CADM2: variants seen among roughly 807,000 people sequenced by gnomAD.
CADM2 encodes the protein immunoglobulin superfamily member 4D.
CADM2 carries 12 observed loss-of-function variants against 49.8 expected under a neutral mutation model. The observed-to-expected ratio is 0.24, with a 90% CI of 0.15 to 0.39. CADM2 has a LOEUF of 0.39. CADM2 is among the 10% of genes least tolerant of loss of function. The probability of loss-of-function intolerance (pLI) is 1.00; values close to 1 mark genes in which losing one functional copy is unlikely to be tolerated. For missense variants in CADM2, 378 were observed against 492.3 expected, an observed-to-expected ratio of 0.77 and a Z score of 2.20; for synonymous variants, 214 against 175.4, an observed-to-expected ratio of 1.22 and a Z score of -1.74.
chr3:85,704,364 G>A (rs1270243077), intron 1 of CADM2, among the ~76,000 whole-genome samples: 2 of 152,152 alleles, frequency 1.3e-5, no homozygotes, highest in Non-Finnish European at 2.9e-5. Context: ...TGCTGTAACA[G>A]AGTACAAAAA....
chr3:85,720,120 G>C (rs574403683), intron 1 of CADM2, among the ~76,000 whole-genome samples: 8 of 152,016 alleles, frequency 5.3e-5, no homozygotes, highest in Non-Finnish European at 1.0e-4. Context: ...ATTTTCTGCC[G>C]TGAAATTTAT....
intron 1 of CADM2, among the ~76,000 whole-genome samples, chr3:85,521,411 G>A (rs10511084): frequency 0.31 from 46,581 of 151,812 alleles, 8,142 homozygotes; most frequent in East Asian, 0.55. Context: ...ACGGCTATAC[G>A]CTTATCGATA....
chr3:85,730,097 G>T (rs892203922), intron 2 of CADM2, among the ~76,000 whole-genome samples: 2 of 151,966 alleles, frequency 1.3e-5, no homozygotes, highest in African/African-American at 4.8e-5. Context: ...TTATCAAATT[G>T]TCCTAATTTT....
intron 5 of CADM2, among the ~76,000 whole-genome samples, chr3:85,896,572 T>C (rs1282482244): frequency 6.6e-6 from 1 of 152,186 alleles, no homozygotes; most frequent in Admixed American, 6.5e-5. Context: ...GACTCTGTAG[T>C]GGGTCACTGA....
chr3:85,021,422 C>G (rs1424464123), intron 1 of CADM2, among the ~76,000 whole-genome samples: 2 of 152,156 alleles, frequency 1.3e-5, no homozygotes, highest in Non-Finnish European at 2.9e-5. Context: ...TCTAACAAGC[C>G]TGGCTTATTC....
At chr3:85,220,592 C>T (rs2042022847) in intron 1 of CADM2, among the ~76,000 whole-genome samples, 1 of 152,030 alleles carries the variant, frequency 6.6e-6, no homozygotes, top group South Asian at 2.1e-4. Context: ...GACCATACTA[C>T]AGGAGTAATA....
intron 1 of CADM2, among the ~76,000 whole-genome samples, chr3:85,284,588 TGCTAAGGGAGGAACATTCCCA>T (rs1379278187): frequency 6.6e-6 from 1 of 152,100 alleles, no homozygotes; most frequent in East Asian, 1.9e-4. Context: ...TTACATAGAT[TGCTAAGGGAGGAACATTCCCA>T]GCTGAGGAAA....
chr3:85,255,630 G>C (rs767257403), intron 1 of CADM2, among the ~76,000 whole-genome samples: 2 of 151,816 alleles, frequency 1.3e-5, no homozygotes, highest in Non-Finnish European at 2.9e-5. Flanking sequence ...TCTTGGAAAA[G>C]TTCTGGTGTG....
At chr3:85,515,814 C>T (rs2060890256) in intron 1 of CADM2, among the ~76,000 whole-genome samples, 1 of 151,424 alleles carries the variant, frequency 6.6e-6, no homozygotes, top group South Asian at 2.1e-4. Flanking sequence ...TATGCCATCC[C>T]CTCCTTAAAG....
chr3:85,226,052 C>G (rs966393324), intron 1 of CADM2, among the ~76,000 whole-genome samples: 3 of 152,044 alleles, frequency 2.0e-5, no homozygotes, highest in African/African-American at 7.2e-5. Flanking sequence ...GGATATTGGC[C>G]TAAAATTTTG....
At chr3:85,469,670 A>G (rs1254965159) in intron 1 of CADM2, among the ~76,000 whole-genome samples, 1 of 152,188 alleles carries the variant, frequency 6.6e-6, no homozygotes, top group Non-Finnish European at 1.5e-5. Flanking sequence ...GAAGTGCTTG[A>G]TGAGAGAGAA....
At chr3:85,012,769 G>A (rs1022701591) in intron 1 of CADM2, among the ~76,000 whole-genome samples, 1 of 150,964 alleles carries the variant, frequency 6.6e-6, no homozygotes, top group African/African-American at 2.4e-5. Context: ...CTATATTATA[G>A]AAATTATAAA....
At chr3:85,262,527 T>A (rs551958064) in intron 1 of CADM2, among the ~76,000 whole-genome samples, 3 of 152,152 alleles carry the variant, frequency 2.0e-5, no homozygotes, top group Admixed American at 6.6e-5. Context: ...ATAAATGATA[T>A]ATTTTATTTG....
At chr3:85,193,760 C>T (rs890430059) in intron 1 of CADM2, among the ~76,000 whole-genome samples, 2 of 152,042 alleles carry the variant, frequency 1.3e-5, no homozygotes, top group East Asian at 1.9e-4. Flanking sequence ...AAATGTCTCC[C>T]TCTATTGTCC....
At chr3:85,397,583 A>G (rs990197193) in intron 1 of CADM2, among the ~76,000 whole-genome samples, 3 of 152,232 alleles carry the variant, frequency 2.0e-5, no homozygotes, top group Admixed American at 2.0e-4. Flanking sequence ...ATGTTACAAC[A>G]AGGAGGAAAC....
At chr3:85,047,666 A>C (rs1294503537) in intron 1 of CADM2, among the ~76,000 whole-genome samples, 3 of 152,136 alleles carry the variant, frequency 2.0e-5, no homozygotes, top group South Asian at 4.1e-4. Context: ...TGCATAAGAA[A>C]ATGAGGATAA....
At chr3:85,995,851 A>G (rs1729330855) in intron 8 of CADM2, among the ~76,000 whole-genome samples, 1 of 152,136 alleles carries the variant, frequency 6.6e-6, no homozygotes, top group African/African-American at 2.4e-5. Flanking sequence ...GCACTTTGGG[A>G]GGCCAAGGCG....
chr3:85,753,759 G>A (rs1248898032), intron 2 of CADM2, among the ~76,000 whole-genome samples: 3 of 152,148 alleles, frequency 2.0e-5, no homozygotes, highest in Non-Finnish European at 1.5e-5. Flanking sequence ...GACTCCTATT[G>A]TTAGTGGCCG....
chr3:85,816,650 A>G (rs1376447404), intron 3 of CADM2, among the ~76,000 whole-genome samples: 2 of 152,222 alleles, frequency 1.3e-5, no homozygotes, highest in African/African-American at 4.8e-5. Flanking sequence ...ATGGCCATCC[A>G]TACAAAATAC....
Sources: allele counts gnomAD v4.1 joint callset (sites outside exome capture counted in the v4.1 genomes callset), GRCh38; gene constraint gnomAD v4.1.1; transcripts MANE v1.5; gene names NCBI Gene and HGNC (gene_info 2026-07-23, HGNC 2026-07-21).